Variants in FAM184A observed in about 807,000 individuals in gnomAD.
FAM184A encodes family with sequence similarity 184 member A, also known as protein FAM184A.
A neutral mutation model predicts 143.8 loss-of-function variants in FAM184A; 99 were observed. The observed-to-expected ratio is 0.69, with a 90% CI of 0.58 to 0.81. The LOEUF is 0.81. Ranked by LOEUF, FAM184A falls within the 40% of genes least tolerant of loss-of-function variation. The pLI, the probability that FAM184A is intolerant of heterozygous loss-of-function variation, is 0.00. For missense variants in FAM184A, 1,217 were observed against 1,310.5 expected (o/e 0.93, Z 1.10); for synonymous variants, 427 against 446.4 (o/e 0.96, Z 0.55).
At chr6:119,002,792 C>T in intron 9 of FAM184A, 107 bp downstream of exon 9, 4 of 999,178 alleles carry the variant, frequency 4.0e-6, no homozygotes, top group Non-Finnish European at 2.8e-6. Context: ...TAAGTTTGTC[C>T]CATGAAAAAT....
chr6:119,102,005 G>A (rs1271502384), intron 1 of FAM184A, among the ~76,000 whole-genome samples: 3 of 151,914 alleles, frequency 2.0e-5, no homozygotes, highest in Admixed American at 6.6e-5. Flanking sequence ...GCAGTGAGCC[G>A]AGATCATACC....
In FAM184A at chr6:119,024,249, T is replaced by C; in HGVS notation, c.724A>G (p.Lys242Glu). Residue 242 changes from lysine (K) to glutamate (E), a missense_variant, in exon 2 of 18, where the codon AAG becomes GAG. Lys to Glu is a moderately conservative substitution (Grantham distance 56, BLOSUM62 1). Transcript: ENST00000338891. ...KMLEELRLER[K>E]KLIEDYEGKL... ...CCTTCATAATCCTCAATTAGTTTCTTCCGTTCAAGTCTTAGCTCCTCAAGC... is the reference window on the plus strand; with the variant it reads ...CCTTCATAATCCTCAATTAGTTTCTCCCGTTCAAGTCTTAGCTCCTCAAGC... The C allele has an allele frequency of 6.2e-7, 1 of 1,614,182 alleles. No homozygotes were observed. The highest frequency in any genetic ancestry group is 1.1e-5 in the South Asian group (1 of 91,080).
chr6:119,008,143 T>C (rs1183941746), intron 6 of FAM184A, among the ~76,000 whole-genome samples: 2 of 152,162 alleles, frequency 1.3e-5, no homozygotes, highest in African/African-American at 4.8e-5. Flanking sequence ...TAAAAATGGA[T>C]ACATGGGGAA....
intron 1 of FAM184A, among the ~76,000 whole-genome samples, chr6:119,058,175 CTTTTTTTTTTTT>C (rs5879483): frequency 3.3e-5 from 3 of 89,716 alleles, no homozygotes; most frequent in South Asian, 7.8e-4. Flanking sequence ...CTCCTTCTCT[CTTTTTTTTTTTT>C]TTTTTTTTTT....
chr6:118,984,159 ATAT>A lies in FAM184A; in HGVS notation c.2089-3812_2089-3810del, dbSNP rs1289626898. 5.0e-4 allele frequency among the ~76,000 whole-genome samples: 55 copies of A among 110,106 alleles called. 1 individual carries two copies. Among genetic ancestry groups the A allele is most frequent in the Middle Eastern group, 8.8e-3 (2 of 226 alleles). The allele number at this position is 110,106 out of a possible 152,430, so 72.2% of individuals were successfully genotyped here. ...TAACGAAACTCCATTTAAAAAAAAA[ATAT>A]ATATATATATATATATTTATATATA... On this transcript the variant is annotated intron_variant, in intron 9 of 17. Coordinates refer to ENST00000338891, the MANE Select transcript of FAM184A (RefSeq NM_024581.6).
chr6:119,016,638 G>T (rs112018659), intron 5 of FAM184A, 109 bp downstream of exon 5: 32 of 889,742 alleles, frequency 3.6e-5, no homozygotes, highest in Non-Finnish European at 5.8e-5. Flanking sequence ...GCGGGGGTCC[G>T]TGGGTTTATT....
At chr6:119,000,670 T>C (rs1486523347) in intron 9 of FAM184A, among the ~76,000 whole-genome samples, 1 of 152,142 alleles carries the variant, frequency 6.6e-6, no homozygotes. Context: ...TATGTTAAGG[T>C]ATAAAAATCT....
intron 1 of FAM184A, chr6:119,149,045 C>T (rs1772554065): frequency 6.6e-6 from 1 of 152,148 alleles, no homozygotes; most frequent in African/African-American, 2.4e-5. Context: ...AAAATAGACA[C>T]ACAAAGATTT....
In FAM184A at chr6:118,960,181, A is replaced by C. The variant is rs931314693; in HGVS notation, c.3345T>G (p.Pro1115=). 2.5e-6 allele frequency: 4 copies of C among 1,611,116 alleles called. No homozygotes were observed. Among genetic ancestry groups the C allele is most frequent in the Non-Finnish European group, 3.4e-6 (4 of 1,178,934 alleles). The change falls in exon 18 of 18, where the codon CCT becomes CCG. Residue 1115 remains proline (P), a synonymous_variant. Transcript: ENST00000338891. ...CCACTGGAGAAGCTTCACTCTGAGC[A>C]GGACTGAATTCATAAAAAGAGAGAC... The part of the protein sequence containing the change: ...PPKGPKTFLS[P]AQSEASPVAS...
intron 14 of FAM184A, 129 bp downstream of exon 14, chr6:118,974,299 C>A (rs980873079): frequency 9.3e-6 from 7 of 756,544 alleles, no homozygotes; most frequent in African/African-American, 8.9e-5. Flanking sequence ...CCATCTGTAA[C>A]ACAGCACTAA....
At chr6:119,012,064 G>A (rs915688460) in intron 5 of FAM184A, among the ~76,000 whole-genome samples, 8 of 152,232 alleles carry the variant, frequency 5.3e-5, no homozygotes, top group Admixed American at 2.0e-4. Flanking sequence ...AACTAATAAC[G>A]TCTAGCTTGG....
chr6:119,076,593 AAC>A (rs1443120470), intron 1 of FAM184A, among the ~76,000 whole-genome samples: 1 of 152,242 alleles, frequency 6.6e-6, no homozygotes, highest in Non-Finnish European at 1.5e-5. Context: ...TGTTAAACAG[AAC>A]ACAGTCCCAC....
At chr6:119,140,388 T>C (rs1397616319) in intron 1 of FAM184A, among the ~76,000 whole-genome samples, 1 of 152,180 alleles carries the variant, frequency 6.6e-6, no homozygotes, top group Non-Finnish European at 1.5e-5. Flanking sequence ...CCTGGCCTCA[T>C]GAGAGAGCCC....
chr6:119,121,128 A>G (rs758934781), intron 1 of FAM184A, among the ~76,000 whole-genome samples: 14 of 151,066 alleles, frequency 9.3e-5, no homozygotes, highest in Non-Finnish European at 1.5e-4. Flanking sequence ...TATTTTTAAT[A>G]GGAAAGTTTT....
rs1158234178 is a variant in FAM184A, at chr6:119,057,392, A to C, written c.159+20749T>G. Among the ~76,000 whole-genome samples, 5 of 152,320 alleles carry C rather than the reference A, an allele frequency of 3.3e-5. No individual in the cohort carries two copies. The East Asian group carries it at 9.6e-4, about 29-fold the overall frequency. On this transcript the variant is annotated intron_variant, in intron 1 of 17. Transcript: ENST00000338891. ...TCTAAGAATTCCTTTGTTTGACTACAGGACTGAGGAAAAGCAACCCTGTTA... is the reference window on the plus strand; with the variant it reads ...TCTAAGAATTCCTTTGTTTGACTACCGGACTGAGGAAAAGCAACCCTGTTA...
intron 6 of FAM184A, among the ~76,000 whole-genome samples, chr6:119,008,527 C>T (rs1784995956): frequency 6.6e-6 from 1 of 152,190 alleles, no homozygotes; most frequent in Non-Finnish European, 1.5e-5. Flanking sequence ...AGTTCTGAAT[C>T]TAGTCTTGCC....
intron 1 of FAM184A, among the ~76,000 whole-genome samples, chr6:119,108,664 T>G (rs546993401): frequency 1.3e-5 from 2 of 152,206 alleles, no homozygotes; most frequent in Non-Finnish European, 2.9e-5. Context: ...GAGGTTGGGT[T>G]GGTTCCCTCT....
intron 11 of FAM184A, among the ~76,000 whole-genome samples, chr6:118,978,717 T>A (rs1783921622): frequency 6.6e-6 from 1 of 152,030 alleles, no homozygotes. Flanking sequence ...TTGGAAAGAG[T>A]GTGCCACTGA....
At chr6:118,997,973 A>C (rs1784624300) in intron 9 of FAM184A, among the ~76,000 whole-genome samples, 1 of 152,216 alleles carries the variant, frequency 6.6e-6, no homozygotes, top group South Asian at 2.1e-4. Context: ...CTTGATAAAG[A>C]GCATTTATTT....
Sources: gnomAD v4.1 joint callset for allele counts (sites outside exome capture counted in the v4.1 genomes callset) on GRCh38, gnomAD v4.1.1 for gene constraint, MANE v1.5 for transcripts, NCBI Gene and HGNC (gene_info 2026-07-23, HGNC 2026-07-21) for gene names.